The following UHRF2 variants were observed in gnomAD, a reference collection of about 807,000 sequenced individuals.
UHRF2 encodes the protein E3 ubiquitin-protein ligase UHRF2.
A neutral mutation model predicts 96.8 loss-of-function variants in UHRF2; 23 were observed. That is an observed-to-expected ratio of 0.24 (90% CI 0.17 to 0.34). The LOEUF (loss-of-function observed/expected upper bound fraction) is 0.34. Among genes scored for constraint, UHRF2 ranks in the 10% least tolerant of loss-of-function variants. The probability of loss-of-function intolerance (pLI) is 1.00; values close to 1 mark genes in which losing one functional copy is unlikely to be tolerated. For missense variants in UHRF2, 685 were observed against 981.5 expected (o/e 0.70, Z 4.04); for synonymous variants, 385 against 332.6 (o/e 1.16, Z -1.72).
chr9:6,450,906 T>G (rs992548826), intron 3 of UHRF2, among the ~76,000 whole-genome samples: 2 of 151,890 alleles, frequency 1.3e-5, no homozygotes, highest in Admixed American at 1.3e-4. Context: ...CTGTGCTGCT[T>G]ACTGATATGT....
At position 6,506,836 on chromosome 9, in the gene UHRF2, G is replaced by C. The variant is rs1816608388; in HGVS notation, c.*657G>C. The stretch of plus-strand genomic sequence containing the variant: ...ATGTGGTGTGGTTTTGCACTTAAAA[G>C]AGGTATTCATATGCTCTAGTTGTAA... On this transcript the variant is annotated 3_prime_UTR_variant, in exon 16 of 16. Transcript: ENST00000276893. 1 of 152,612 alleles carries C rather than the reference G, an allele frequency of 6.6e-6. No individual in the cohort carries two copies. Among genetic ancestry groups the C allele is most frequent in the Non-Finnish European group, 1.5e-5 (1 of 68,026 alleles). 9.5% of individuals were successfully genotyped at this position (152,612 alleles called of 1,614,324 possible).
intron 3 of UHRF2, among the ~76,000 whole-genome samples, chr9:6,450,709 AGTT>A (rs1821806901): frequency 1.3e-5 from 2 of 152,182 alleles, no homozygotes; most frequent in South Asian, 4.2e-4. Context: ...AACCTATCCC[AGTT>A]GTTACTTTGA....
chr9:6,506,012 A>G (rs1816561198), intron 15 of UHRF2, 21 bp from the exon 16 acceptor site: 2 of 1,613,404 alleles, frequency 1.2e-6, no homozygotes, highest in African/African-American at 1.3e-5. Context: ...ATTAAATTGG[A>G]TGTTTTTGTT....
At chr9:6,446,947 A>G (rs903843054) in intron 3 of UHRF2, among the ~76,000 whole-genome samples, 10 of 152,120 alleles carry the variant, frequency 6.6e-5, no homozygotes, top group African/African-American at 1.7e-4. Context: ...GGAGTGCAGT[A>G]GCACAATCTC....
At chr9:6,461,934 A>C (rs972039590) in intron 4 of UHRF2, among the ~76,000 whole-genome samples, 1 of 152,112 alleles carries the variant, frequency 6.6e-6, no homozygotes, top group Non-Finnish European at 1.5e-5. Flanking sequence ...CTTTAGAATA[A>C]ATTGTTAGAT....
At chr9:6,422,742 G>A in intron 2 of UHRF2, 1 of 500,126 alleles carries the variant, frequency 2.0e-6, no homozygotes, top group Non-Finnish European at 3.7e-6. Context: ...CCAAAGTGCT[G>A]GGATACAGGC....
intron 14 of UHRF2, among the ~76,000 whole-genome samples, chr9:6,501,138 A>G (rs1816269969): frequency 6.6e-6 from 1 of 152,200 alleles, no homozygotes; most frequent in Non-Finnish European, 1.5e-5. Context: ...TAAGTATTTT[A>G]TGTTTCTAAA....
chr9:6,425,443 C>T (rs1820200127), intron 2 of UHRF2, among the ~76,000 whole-genome samples: 1 of 152,092 alleles, frequency 6.6e-6, no homozygotes, highest in South Asian at 2.1e-4. Flanking sequence ...CTCCAAGGTT[C>T]CCTGTTTCCT....
intron 3 of UHRF2, among the ~76,000 whole-genome samples, chr9:6,447,368 AT>A (rs1161679134): frequency 6.6e-6 from 1 of 152,170 alleles, no homozygotes; most frequent in Non-Finnish European, 1.5e-5. Flanking sequence ...AACACTCTAT[AT>A]TTTGAACATG....
chr9:6,420,555 A>G (rs980513714), intron 1 of UHRF2, among the ~76,000 whole-genome samples: 4 of 151,862 alleles, frequency 2.6e-5, no homozygotes, highest in African/African-American at 9.7e-5. Context: ...ACAAAAAAAA[A>G]TTAGCCGGGC....
At chr9:6,422,208 A>C (rs945812494) in intron 2 of UHRF2, among the ~76,000 whole-genome samples, 2 of 152,052 alleles carry the variant, frequency 1.3e-5, no homozygotes, top group African/African-American at 4.8e-5. Flanking sequence ...TCTGCCTCCT[A>C]AGTAGTGGGA....
At chr9:6,440,607 C>T (rs1417274133) in intron 3 of UHRF2, among the ~76,000 whole-genome samples, 1 of 152,202 alleles carries the variant, frequency 6.6e-6, no homozygotes, top group Admixed American at 6.5e-5. Flanking sequence ...AAAAAGCACA[C>T]ACGCAACTTC....
intron 3 of UHRF2, 133 bp downstream of exon 3, chr9:6,434,306 G>T (rs899520411): frequency 2.6e-6 from 3 of 1,143,686 alleles, no homozygotes; most frequent in South Asian, 1.8e-5. Flanking sequence ...TTACTTTTTG[G>T]TTTTGGTGGT....
intron 4 of UHRF2, among the ~76,000 whole-genome samples, chr9:6,466,143 G>A (rs534800724): frequency 3.5e-4 from 53 of 152,196 alleles, no homozygotes; most frequent in Non-Finnish European, 5.9e-4. Flanking sequence ...GCTTGTGCCT[G>A]TAATCCTAGC....
chr9:6,485,654 T>A (rs1824226497), intron 8 of UHRF2, among the ~76,000 whole-genome samples: 2 of 131,520 alleles, frequency 1.5e-5, no homozygotes, highest in South Asian at 5.5e-4. Context: ...GAATTCAGTT[T>A]CCTTTACTCT....
At chr9:6,459,819 A>G (rs1822415939) in intron 3 of UHRF2, among the ~76,000 whole-genome samples, 1 of 152,160 alleles carries the variant, frequency 6.6e-6, no homozygotes, top group Non-Finnish European at 1.5e-5. Context: ...CAAAAGAAAA[A>G]CATATTAGCT....
Position 6,506,237 on chromosome 9 carries a change from A to G in UHRF2, c.*58A>G, listed in dbSNP as rs1249395893. 1.9e-6 allele frequency: 3 copies of G among 1,596,274 alleles called. No homozygotes were observed. Among genetic ancestry groups the G allele is most frequent in the Admixed American group, 3.4e-5 (2 of 58,738 alleles). On this transcript the variant is annotated 3_prime_UTR_variant, in exon 16 of 16. Coordinates refer to ENST00000276893, the MANE Select transcript of UHRF2 (RefSeq NM_152896.3). ...CTTTTTGGACAATAAAGAATCTAAA[A>G]TGGGTGGGGAGGGTGGAAGAAATGG...
chr9:6,435,830 A>G (rs1011500103), intron 3 of UHRF2, among the ~76,000 whole-genome samples: 44 of 152,158 alleles, frequency 2.9e-4, no homozygotes, highest in Admixed American at 1.4e-3. Flanking sequence ...GGTGGTCTCG[A>G]ACTCCTGACC....
In UHRF2 at chr9:6,433,895, G is replaced by A. The variant is rs1820690039; in HGVS notation, c.385-19G>A. 2 of 1,595,118 alleles carry A rather than the reference G, an allele frequency of 1.3e-6. No homozygotes were observed. The highest frequency in any genetic ancestry group is 1.7e-6 in the Non-Finnish European group (2 of 1,167,454). ...TAGACAAAATTAAGCTTCATTAACTGATTTTAAACTTTTTTTAGGTAAATG... is the reference window on the plus strand; with the variant it reads ...TAGACAAAATTAAGCTTCATTAACTAATTTTAAACTTTTTTTAGGTAAATG... On this transcript the variant is annotated intron_variant, in intron 2 of 15. Transcript: ENST00000276893.
Sources: gnomAD v4.1 joint callset for allele counts (sites outside exome capture counted in the v4.1 genomes callset) on GRCh38, gnomAD v4.1.1 for gene constraint, MANE v1.5 for transcripts, NCBI Gene and HGNC (gene_info 2026-07-23, HGNC 2026-07-21) for gene names.